Variants in ZNF827 observed in about 807,000 individuals in gnomAD.
ZNF827 encodes the protein zinc finger protein 827.
ZNF827 carries 13 observed loss-of-function variants against 102.4 expected under a neutral mutation model. The ratio of observed to expected loss-of-function variants is 0.13; its 90% CI spans 0.08 to 0.20. ZNF827 has a LOEUF of 0.20. Ranked by LOEUF, ZNF827 falls within the 10% of genes least tolerant of loss-of-function variation. The pLI is 1.00. For missense variants in ZNF827, 1,103 were observed against 1,344.4 expected, an observed-to-expected ratio of 0.82 and a Z score of 2.81; for synonymous variants, 523 against 536.2, an observed-to-expected ratio of 0.98 and a Z score of 0.34.
At chr4:145,768,042 G>T (rs944004174) in intron 11 of ZNF827, among the ~76,000 whole-genome samples, 12 of 152,152 alleles carry the variant, frequency 7.9e-5, no homozygotes, top group African/African-American at 2.7e-4. Context: ...AAACATATAA[G>T]TAAACATATG....
At chr4:145,857,598 C>A (rs1017025403) in intron 5 of ZNF827, among the ~76,000 whole-genome samples, 1 of 152,172 alleles carries the variant, frequency 6.6e-6, no homozygotes, top group Admixed American at 6.5e-5. Context: ...CAGAATATGT[C>A]CCTCAAACAT....
At chr4:145,881,937 T>G (rs1749703984) in intron 4 of ZNF827, among the ~76,000 whole-genome samples, 1 of 152,220 alleles carries the variant, frequency 6.6e-6, no homozygotes, top group Non-Finnish European at 1.5e-5. Flanking sequence ...CACACTAAAA[T>G]CATTCTGCAC....
intron 1 of ZNF827, among the ~76,000 whole-genome samples, chr4:145,924,443 A>T (rs17020792): frequency 0.011 from 1,695 of 152,266 alleles, 33 homozygotes; most frequent in African/African-American, 0.039. Flanking sequence ...AGGGAGACAC[A>T]GCATTAGAAC....
rs547266793 is a variant in ZNF827 at position 145,760,890 on chromosome 4, C to T, written c.*726G>A. The T allele has an allele frequency of 2.2e-4, 268 of 1,229,710 alleles. 3 individuals are homozygous for T. In the South Asian group the frequency reaches 3.4e-3, roughly 15 times the overall value. The allele number at this position is 1,229,710 out of a possible 1,614,324, so 76.2% of individuals were successfully genotyped here. ...GTCGGGGAGGGTGGAATGTGAGATC[C>T]AAGTGGTTCTTGGGGTATAACATTG... On this transcript the variant is annotated 3_prime_UTR_variant, in exon 15 of 15. Transcript: ENST00000508784.
At chr4:145,784,787 C>T (rs1738609078) in intron 8 of ZNF827, among the ~76,000 whole-genome samples, 1 of 152,128 alleles carries the variant, frequency 6.6e-6, no homozygotes, top group Non-Finnish European at 1.5e-5. Context: ...CATTATTTTA[C>T]ATAGCTTGAA....
rs1381679375 is a variant in ZNF827 at position 145,762,326 on chromosome 4, A to C, written c.*18-728T>G. On this transcript the variant is annotated intron_variant, in intron 14 of 14. Coordinates refer to ENST00000508784, the MANE Select transcript of ZNF827 (RefSeq NM_001306215.2). The surrounding 1 kb of genome is among the most constrained non-coding windows in gnomAD (Gnocchi z 4.9). ...AGCCCACCCAACGGCCCATCTGCTAATGAGGAAGGGAGGAGGGAGGGAGAC... is the reference window on the plus strand; with the variant it reads ...AGCCCACCCAACGGCCCATCTGCTACTGAGGAAGGGAGGAGGGAGGGAGAC... 6.6e-6 allele frequency among the ~76,000 whole-genome samples: 1 copy of C among 152,198 alleles called. No homozygotes were observed.
intron 2 of ZNF827, among the ~76,000 whole-genome samples, chr4:145,892,981 G>A (rs1000794995): frequency 1.3e-5 from 2 of 152,238 alleles, no homozygotes; most frequent in African/African-American, 2.4e-5. Flanking sequence ...GACTTGTTTA[G>A]TTGTGGCTTG....
At chr4:145,811,632 C>A (rs539725497) in intron 8 of ZNF827, among the ~76,000 whole-genome samples, 4 of 152,106 alleles carry the variant, frequency 2.6e-5, no homozygotes, top group African/African-American at 4.8e-5. Flanking sequence ...GGAAAAACCA[C>A]GCACAATTTT....
intron 2 of ZNF827, among the ~76,000 whole-genome samples, 168 bp from the exon 3 acceptor site, chr4:145,892,583 CA>C (rs1750687711): frequency 1.3e-5 from 2 of 152,218 alleles, no homozygotes; most frequent in Admixed American, 6.5e-5. Context: ...TGCTTTTCTT[CA>C]GGTAGAAACC....
chr4:145,792,038 T>C (rs910443567), intron 8 of ZNF827, among the ~76,000 whole-genome samples: 1 of 152,224 alleles, frequency 6.6e-6, no homozygotes, highest in Non-Finnish European at 1.5e-5. Flanking sequence ...TATGACAAAG[T>C]AGATAAAGGC....
chr4:145,811,977 C>T (rs1253034250), intron 8 of ZNF827, among the ~76,000 whole-genome samples: 13 of 151,616 alleles, frequency 8.6e-5, no homozygotes, highest in Admixed American at 5.2e-4. Context: ...TGCAGTGGCA[C>T]AGTCTGAGCT....
At chr4:145,885,536 C>T in intron 4 of ZNF827, 142 bp downstream of exon 4, 1 of 1,248,504 alleles carries the variant, frequency 8.0e-7, no homozygotes. Context: ...GCAGACTATC[C>T]AAATTTAAAG....
intron 8 of ZNF827, among the ~76,000 whole-genome samples, chr4:145,804,049 G>A (rs548113830): frequency 5.9e-5 from 9 of 152,286 alleles, no homozygotes; most frequent in African/African-American, 1.9e-4. Context: ...AGTCTCTTCG[G>A]TGGAAATTTC....
At position 145,765,521 on chromosome 4, in the gene ZNF827, C is replaced by A; in HGVS notation, c.3052+26G>T. 1 of 1,588,886 alleles carries A rather than the reference C, an allele frequency of 6.3e-7. No individual in the cohort carries two copies. Among genetic ancestry groups the A allele is most frequent in the South Asian group, 1.2e-5 (1 of 86,138 alleles). On this transcript the variant is annotated intron_variant, in intron 12 of 14. Transcript: ENST00000508784. This position sits in a 1 kb window ranked among gnomAD's most constrained non-coding sequence, Gnocchi z 4.7. ...GTCATCCTGGGTGCGGAGGGTTGAG[C>A]AGGCTCACACCCACCTCCTCCTTAC...
intron 7 of ZNF827, among the ~76,000 whole-genome samples, chr4:145,835,563 A>G (rs544987245): frequency 2.1e-5 from 3 of 139,700 alleles, no homozygotes; most frequent in Admixed American, 6.9e-5. Flanking sequence ...GACTACAGCA[A>G]TATCTCATTG....
intron 5 of ZNF827, among the ~76,000 whole-genome samples, chr4:145,857,291 C>CA (rs1747242025): frequency 1.3e-5 from 2 of 152,168 alleles, no homozygotes; most frequent in Non-Finnish European, 2.9e-5. Flanking sequence ...TTGCAAAGAA[C>CA]AAACATGTCT....
At chr4:145,799,418 G>A (rs75989417) in intron 8 of ZNF827, among the ~76,000 whole-genome samples, 2,783 of 152,228 alleles carry the variant, frequency 0.018, 39 homozygotes, top group Middle Eastern at 0.034. Flanking sequence ...AGGAAGTCTG[G>A]CACGGAAGGC....
chr4:145,902,312 G>T lies in ZNF827; in HGVS notation c.947C>A (p.Pro316Gln), dbSNP rs753071464. The T allele has an allele frequency of 2.5e-6, 4 of 1,600,008 alleles. No homozygotes were observed. The highest frequency in any genetic ancestry group is 2.6e-6 in the Non-Finnish European group (3 of 1,173,376). ...KSSLLPEDPL[P>Q]PPPSEKKPEK... ...TGGTTTCTTCTCTGAAGGCGGGGGC[G>T]GTAGAGGGTCCTCAGGCAGCAGCGA... The change falls in exon 2 of 15, where the codon CCG becomes CAG. Residue 316 changes from proline (P) to glutamine (Q), a missense_variant. By Grantham distance (76) the Pro-to-Gln change is moderately conservative. Coordinates refer to ENST00000508784, the MANE Select transcript of ZNF827 (RefSeq NM_001306215.2). This position sits in a 1 kb window ranked among gnomAD's most constrained non-coding sequence, Gnocchi z 4.3.
Position 145,870,332 on chromosome 4 carries a change from C to G in ZNF827, c.1894G>C (p.Ala632Pro). The G allele has an allele frequency of 1.9e-6, 3 of 1,614,134 alleles. No homozygotes were observed. The highest frequency in any genetic ancestry group is 1.3e-5 in the African/African-American group (1 of 75,028). ...EVSAPGVSEDALKPQEGKGSV... is the reference protein window; with the variant it reads ...EVSAPGVSEDPLKPQEGKGSV... ...CCCTTCCCTTCCTGGGGCTTTAGTG[C>G]GTCCTCAGAGACGCCTGGGGCTGAC... Residue 632 changes from alanine (A) to proline (P), a missense_variant, in exon 5 of 15, where the codon GCA (alanine) becomes CCA (proline). Around this residue, in one of 5 missense-constraint regions of ZNF827, gnomAD observed 243 missense variants for 251.6 expected, o/e 0.97. Coordinates refer to ENST00000508784, the MANE Select transcript of ZNF827 (RefSeq NM_001306215.2).
Sources: gnomAD v4.1 joint callset for allele counts (sites outside exome capture counted in the v4.1 genomes callset) on GRCh38, gnomAD v4.1.1 for gene constraint, gnomAD v4.1.1 regional missense constraint, Gnocchi (gnomAD v3.1) non-coding constraint, MANE v1.5 for transcripts, NCBI Gene and HGNC (gene_info 2026-07-23, HGNC 2026-07-21) for gene names.